The following FDX1 variants were observed in gnomAD, a reference collection of about 807,000 sequenced individuals.
The protein encoded by FDX1 is adrenodoxin, mitochondrial.
FDX1 carries 9 observed loss-of-function variants against 14.9 expected under a neutral mutation model. That is an observed-to-expected ratio of 0.60 (90% CI 0.36 to 1.05). The LOEUF is 1.05. FDX1 is among the 50% of genes least tolerant of loss of function. FDX1 has a pLI of 0.01. For missense variants in FDX1, 204 were observed against 237.2 expected (o/e 0.86, Z 0.92); for synonymous variants, 92 against 99.4 (o/e 0.93, Z 0.44).
In FDX1 at chr11:110,434,193, CAAAT is replaced by C. The variant is rs578186643; in HGVS notation, c.186-1637_186-1634del. 3.0e-4 allele frequency among the ~76,000 whole-genome samples: 46 copies of C among 152,208 alleles called. No homozygotes were observed. The Middle Eastern group carries it at 0.01, about 34-fold the overall frequency. On this transcript the variant is annotated intron_variant, in intron 1 of 3. Coordinates refer to ENST00000260270, the MANE Select transcript of FDX1 (RefSeq NM_004109.5). The stretch of plus-strand genomic sequence containing the variant: ...GAGGTATTTATCTTACAGATTCAAA[CAAAT>C]AAACTTTTTCTAGTCCCTTTGATTT...
At position 110,463,616 on chromosome 11, in the gene FDX1, GTAT is replaced by G. The variant is rs1266458848; in HGVS notation, c.*1153_*1155del. 1 of 152,190 alleles carries G rather than the reference GTAT, an allele frequency of 6.6e-6. No homozygotes were observed. The highest frequency in any genetic ancestry group is 1.5e-5 in the Non-Finnish European group (1 of 68,044). The allele number at this position is 152,190 out of a possible 1,614,324, so 9.4% of individuals were successfully genotyped here. ...TAAGACAATTGAGTTAGCTTCATGT[GTAT>G]TATTGCAGCTTGATCATTTATATAA... is the stretch of plus-strand genomic sequence containing the variant. On this transcript the variant is annotated 3_prime_UTR_variant, in exon 4 of 4. Transcript: ENST00000260270.
chr11:110,429,339 A>G (rs1174823202), upstream of FDX1, among the ~76,000 whole-genome samples: 4 of 152,172 alleles, frequency 2.6e-5, no homozygotes, highest in Admixed American at 1.3e-4. Flanking sequence ...CCCACAACAT[A>G]TGAACCATGA....
chr11:110,435,427 T>C (rs1323712206), intron 1 of FDX1, among the ~76,000 whole-genome samples: 1 of 152,214 alleles, frequency 6.6e-6, no homozygotes, highest in Admixed American at 6.5e-5. Flanking sequence ...GGGAGACATA[T>C]ACTGAGGCCA....
At position 110,462,342 on chromosome 11, in the gene FDX1, T is replaced by G. The variant is rs1457211488; in HGVS notation, c.441-12T>G. 6.6e-7 allele frequency: 1 copy of G among 1,524,426 alleles called. No homozygotes were observed. Among genetic ancestry groups the G allele is most frequent in the East Asian group, 2.3e-5 (1 of 44,390 alleles). The allele number at this position is 1,524,426 out of a possible 1,614,324, so 94.4% of individuals were successfully genotyped here. A position where few individuals can be genotyped will look rare whatever the true frequency, so the allele number is the denominator to read the frequency against. Reference sequence around the variant, plus strand: ...GTAATACTAAACCATACCTTCCCCCTTTTCCATACAGATCACGGTTGGGCT... The same window carrying G: ...GTAATACTAAACCATACCTTCCCCCGTTTCCATACAGATCACGGTTGGGCT... On this transcript the variant is annotated splice_polypyrimidine_tract_variant and intron_variant, in intron 3 of 3. Coordinates refer to ENST00000260270, the MANE Select transcript of FDX1 (RefSeq NM_004109.5).
chr11:110,431,599 A>G (rs1288544864), intron 1 of FDX1, among the ~76,000 whole-genome samples: 1 of 152,200 alleles, frequency 6.6e-6, no homozygotes, highest in Admixed American at 6.5e-5. Context: ...GTCTTTGACC[A>G]GTGTGGGTAC....
In FDX1 at chr11:110,430,143, G is replaced by C; in HGVS notation, c.23G>C (p.Arg8Pro). Residue 8 changes from arginine to proline, a missense_variant, in exon 1 of 4, where the codon CGG becomes CCG. Arg to Pro is a moderately radical substitution (Grantham distance 103). Coordinates refer to ENST00000260270, the MANE Select transcript of FDX1 (RefSeq NM_004109.5). MAAAGGA[R>P]LLRAASAVLG... ...GCGATGGCTGCCGCTGGGGGCGCCC[G>C]GCTGCTGCGCGCCGCTTCTGCTGTC... 8.1e-7 allele frequency: 1 copy of C among 1,241,566 alleles called. No individual in the cohort carries two copies. Among genetic ancestry groups the C allele is most frequent in the Non-Finnish European group, 1.0e-6 (1 of 996,052 alleles). 76.9% of individuals were successfully genotyped at this position (1,241,566 alleles called of 1,614,324 possible).
chr11:110,455,524 A>C (rs2134691357), intron 2 of FDX1, among the ~76,000 whole-genome samples: 1 of 152,264 alleles, frequency 6.6e-6, no homozygotes, highest in South Asian at 2.1e-4. Flanking sequence ...CAGTGGCTTT[A>C]AAAAAACTGT....
intron 3 of FDX1, among the ~76,000 whole-genome samples, chr11:110,457,455 A>G (rs1431309970): frequency 6.6e-6 from 1 of 152,200 alleles, no homozygotes; most frequent in Non-Finnish European, 1.5e-5. Context: ...AATAGTAATT[A>G]TGTTAAAATG....
At chr11:110,449,908 A>G (rs758353245) in intron 2 of FDX1, among the ~76,000 whole-genome samples, 1 of 152,216 alleles carries the variant, frequency 6.6e-6, no homozygotes, top group African/African-American at 2.4e-5. Context: ...GATTACAGGC[A>G]TGAGCCACTG....
rs1591245159 is a variant in FDX1, at chr11:110,432,016, C to T, written c.185+1711C>T. ...TTCAATCTCGTAGTTACACTAGCCA[C>T]ATTTCGAGTTCTCAGTAGCCACATG... is the stretch of plus-strand genomic sequence containing the variant. On this transcript the variant is annotated intron_variant, in intron 1 of 3. Coordinates refer to ENST00000260270, the MANE Select transcript of FDX1 (RefSeq NM_004109.5). 2.6e-5 allele frequency among the ~76,000 whole-genome samples: 4 copies of T among 152,332 alleles called. No homozygotes were observed. The South Asian group carries it at 8.3e-4, about 32-fold the overall frequency.
intron 2 of FDX1, among the ~76,000 whole-genome samples, chr11:110,442,351 A>G (rs1254837729): frequency 1.3e-5 from 2 of 152,252 alleles, no homozygotes; most frequent in Non-Finnish European, 1.5e-5. Flanking sequence ...TGGAAAAGCC[A>G]CAGACACTCA....
Position 110,444,688 on chromosome 11 carries a change from G to GTGTA in FDX1, c.310+8731_310+8732insGTAT, listed in dbSNP as rs1565381881. 1.6e-3 allele frequency among the ~76,000 whole-genome samples: 41 copies of GTGTA among 24,872 alleles called. 4 individuals are homozygous for GTGTA. The highest frequency in any genetic ancestry group is 7.4e-3 in the African/African-American group (39 of 5,262). 16.3% of individuals were successfully genotyped at this position (24,872 alleles called of 152,430 possible). Reference sequence around the variant, plus strand: ...TACGTATATATATATATATATACACGTATATATATATATATACGTATATAT... The same window carrying GTGTA: ...TACGTATATATATATATATATACACGTGTATATATATATATATATACGTATATAT... On this transcript the variant is annotated intron_variant, in intron 2 of 3. Transcript: ENST00000260270.
chr11:110,443,497 A>G (rs997496956), intron 2 of FDX1, among the ~76,000 whole-genome samples: 3 of 149,614 alleles, frequency 2.0e-5, no homozygotes, highest in African/African-American at 7.4e-5. Flanking sequence ...CTGGAATGCA[A>G]TGGCACGATC....
intron 2 of FDX1, among the ~76,000 whole-genome samples, chr11:110,441,522 G>C (rs1327689706): frequency 6.6e-6 from 1 of 152,226 alleles, no homozygotes; most frequent in African/African-American, 2.4e-5. Flanking sequence ...CTATGTTTTA[G>C]CAAAGAGACT....
chr11:110,448,434 C>T (rs573784214), intron 2 of FDX1, among the ~76,000 whole-genome samples: 2 of 152,224 alleles, frequency 1.3e-5, no homozygotes, highest in South Asian at 4.1e-4. Context: ...GGTTAGGTGT[C>T]GGGGCAGGCA....
At chr11:110,432,187 A>G (rs1490477240) in intron 1 of FDX1, among the ~76,000 whole-genome samples, 2 of 152,300 alleles carry the variant, frequency 1.3e-5, no homozygotes, top group South Asian at 2.1e-4. Flanking sequence ...TCAGTAATTG[A>G]GAGTCAGAAA....
chr11:110,459,180 G>A (rs527832484), intron 3 of FDX1, among the ~76,000 whole-genome samples: 2 of 151,776 alleles, frequency 1.3e-5, no homozygotes, highest in Admixed American at 1.3e-4. Flanking sequence ...CAGTTTGCAT[G>A]GGTAATCTAC....
intron 2 of FDX1, among the ~76,000 whole-genome samples, chr11:110,448,708 T>C (rs1419187271): frequency 1.1e-4 from 17 of 152,270 alleles, no homozygotes; most frequent in Non-Finnish European, 2.4e-4. Flanking sequence ...TTAGTAAGCA[T>C]GCTTTACTAT....
chr11:110,449,838 G>C (rs1391652522), intron 2 of FDX1, among the ~76,000 whole-genome samples: 4 of 152,140 alleles, frequency 2.6e-5, no homozygotes, highest in African/African-American at 9.7e-5. Flanking sequence ...ATGTTGGCCA[G>C]GCTGGTCTCG....
Sources: allele counts gnomAD v4.1 joint callset (sites outside exome capture counted in the v4.1 genomes callset), GRCh38; gene constraint gnomAD v4.1.1; transcripts MANE v1.5; gene names NCBI Gene and HGNC (gene_info 2026-07-23, HGNC 2026-07-21).